Variants in GRIK2 observed in about 807,000 individuals in gnomAD.
The protein encoded by GRIK2 is glutamate receptor ionotropic, kainate 2.
Under a neutral mutation model 100.3 loss-of-function variants are expected in GRIK2, and 32 were observed. That is an observed-to-expected ratio of 0.32 (90% CI 0.24 to 0.43). The LOEUF is 0.43. Ranked by LOEUF, GRIK2 falls within the 20% of genes least tolerant of loss-of-function variation. GRIK2 has a pLI of 1.00. For synonymous variants in GRIK2, 417 were observed against 389.4 expected, an observed-to-expected ratio of 1.07 and a Z score of -0.83; for missense variants, 843 against 1,114.9, an observed-to-expected ratio of 0.76 and a Z score of 3.47.
At chr6:101,716,241 A>T (rs1012844852) in intron 7 of GRIK2, among the ~76,000 whole-genome samples, 13 of 151,678 alleles carry the variant, frequency 8.6e-5, no homozygotes, top group African/African-American at 3.1e-4. Flanking sequence ...GGAAAAGGGG[A>T]AATCTGAGGG....
At chr6:101,755,567 C>T (rs1777087108) in intron 7 of GRIK2, among the ~76,000 whole-genome samples, 2 of 152,122 alleles carry the variant, frequency 1.3e-5, no homozygotes, top group African/African-American at 2.4e-5. Context: ...GATTTTTCCT[C>T]ATGGAGATAT....
At chr6:101,449,000 A>G (rs1770524562) in intron 2 of GRIK2, among the ~76,000 whole-genome samples, 1 of 151,660 alleles carries the variant, frequency 6.6e-6, no homozygotes, top group Admixed American at 6.6e-5. Flanking sequence ...AGCAGAGAAT[A>G]TACTGGAAAG....
intron 12 of GRIK2, among the ~76,000 whole-genome samples, chr6:101,902,942 C>T (rs1228032652): frequency 6.6e-6 from 1 of 151,774 alleles, no homozygotes; most frequent in Non-Finnish European, 1.5e-5. Flanking sequence ...TCAAATTAGA[C>T]AAAATTGAAA....
At chr6:101,988,758 C>G (rs1342212718) in intron 14 of GRIK2, among the ~76,000 whole-genome samples, 1 of 151,912 alleles carries the variant, frequency 6.6e-6, no homozygotes, top group East Asian at 1.9e-4. Context: ...TAATTTACAT[C>G]AACAAATTCA....
chr6:101,716,273 T>G (rs1475188245), intron 7 of GRIK2, among the ~76,000 whole-genome samples: 5 of 151,532 alleles, frequency 3.3e-5, no homozygotes, highest in African/African-American at 1.2e-4. Context: ...AAATAATAAA[T>G]ATAGTTAGGT....
At chr6:101,616,142 C>G (rs1779882684) in intron 2 of GRIK2, among the ~76,000 whole-genome samples, 1 of 151,682 alleles carries the variant, frequency 6.6e-6, no homozygotes, top group African/African-American at 2.4e-5. Flanking sequence ...CTTTCTCTTC[C>G]TATTGGTTCT....
chr6:101,681,617 T>G (rs1438591236), intron 5 of GRIK2, among the ~76,000 whole-genome samples: 1 of 152,152 alleles, frequency 6.6e-6, no homozygotes, highest in Non-Finnish European at 1.5e-5. Context: ...TTATTGACTA[T>G]AGTCAACCTA....
chr6:101,398,097 A>C (rs1775088127), intron 1 of GRIK2, among the ~76,000 whole-genome samples: 1 of 152,164 alleles, frequency 6.6e-6, no homozygotes, highest in Non-Finnish European at 1.5e-5. Context: ...CTAGCAAATG[A>C]TAAGACAGTT....
At chr6:101,579,134 A>G (rs1322595959) in intron 2 of GRIK2, among the ~76,000 whole-genome samples, 1 of 151,758 alleles carries the variant, frequency 6.6e-6, no homozygotes, top group East Asian at 1.9e-4. Flanking sequence ...ACACACACAC[A>G]CTCCCTTGAT....
At chr6:101,456,048 T>A (rs576937877) in intron 2 of GRIK2, among the ~76,000 whole-genome samples, 1 of 151,680 alleles carries the variant, frequency 6.6e-6, no homozygotes, top group Admixed American at 6.6e-5. Flanking sequence ...AAAAAGCTTC[T>A]AATAATGGGC....
intron 4 of GRIK2, among the ~76,000 whole-genome samples, chr6:101,651,227 A>G (rs1781777197): frequency 6.6e-6 from 1 of 152,098 alleles, no homozygotes; most frequent in South Asian, 2.1e-4. Flanking sequence ...CTACTCACTT[A>G]TCACTTGGCA....
intron 7 of GRIK2, among the ~76,000 whole-genome samples, chr6:101,762,615 T>C (rs1219213316): frequency 6.6e-6 from 1 of 152,186 alleles, no homozygotes; most frequent in Non-Finnish European, 1.5e-5. Flanking sequence ...TTAATTTGCC[T>C]TTGAATCCAG....
intron 2 of GRIK2, among the ~76,000 whole-genome samples, chr6:101,464,497 C>CTTT (rs71028069): frequency 6.5e-5 from 4 of 62,012 alleles, no homozygotes; most frequent in Admixed American, 2.2e-4. Flanking sequence ...CTTTTTCTTT[C>CTTT]TTTTTTTTTT....
intron 2 of GRIK2, among the ~76,000 whole-genome samples, chr6:101,563,911 A>T (rs931254151): frequency 1.3e-5 from 2 of 152,126 alleles, no homozygotes; most frequent in African/African-American, 4.8e-5. Flanking sequence ...TTAATACTTT[A>T]AAAAATGCAA....
At chr6:101,677,002 C>T (rs1311994031) in intron 5 of GRIK2, among the ~76,000 whole-genome samples, 198 bp downstream of exon 5, 4 of 151,900 alleles carry the variant, frequency 2.6e-5, no homozygotes, top group East Asian at 3.9e-4. Flanking sequence ...ATCTTCAAAA[C>T]GGGTTGTTGG....
At chr6:101,951,928 T>C (rs1436502603) in intron 14 of GRIK2, among the ~76,000 whole-genome samples, 1 of 152,052 alleles carries the variant, frequency 6.6e-6, no homozygotes, top group Non-Finnish European at 1.5e-5. Context: ...CCTTTAAGAG[T>C]CCCACAATGT....
In GRIK2 at chr6:101,711,570, C is replaced by T. The variant is rs532347399; in HGVS notation, c.951+25217C>T. Reference sequence around the variant, plus strand: ...TAGCTTTGTTCTTACTTATACTTTACTTCCTTGGGAAACAAGTGACCTTAT... The same window carrying T: ...TAGCTTTGTTCTTACTTATACTTTATTTCCTTGGGAAACAAGTGACCTTAT... On this transcript the variant is annotated intron_variant, in intron 7 of 16. Coordinates refer to ENST00000369134, the MANE Select transcript of GRIK2 (RefSeq NM_021956.5). Among the ~76,000 whole-genome samples the T allele has an allele frequency of 1.2e-3, 175 of 151,942 alleles. 1 individual carries two copies. Among genetic ancestry groups the T allele is most frequent in the African/African-American group, 4.1e-3 (170 of 41,526 alleles).
chr6:102,043,567 G>A (rs1770713752), intron 15 of GRIK2, among the ~76,000 whole-genome samples: 1 of 151,730 alleles, frequency 6.6e-6, no homozygotes, highest in Admixed American at 6.6e-5. Flanking sequence ...TTTCATCTAG[G>A]TTGTCGCAAA....
chr6:101,784,495 T>C (rs1053904095), intron 7 of GRIK2, among the ~76,000 whole-genome samples: 4 of 152,178 alleles, frequency 2.6e-5, no homozygotes, highest in Admixed American at 2.0e-4. Flanking sequence ...TGAGGGACTG[T>C]GGGGAAGGCA....
Sources: allele counts gnomAD v4.1 joint callset (sites outside exome capture counted in the v4.1 genomes callset), GRCh38; gene constraint gnomAD v4.1.1; transcripts MANE v1.5; gene names NCBI Gene and HGNC (gene_info 2026-07-23, HGNC 2026-07-21).